Variants in ANKS1B observed in about 807,000 individuals in gnomAD.
ANKS1B encodes the protein ankyrin repeat and sterile alpha motif domain containing 1B.
In ANKS1B, 36 loss-of-function variants were observed where a neutral mutation model predicts 148.3. That is an observed-to-expected ratio of 0.24 (90% CI 0.19 to 0.32). The LOEUF is 0.32. Among genes scored for constraint, ANKS1B ranks in the 10% least tolerant of loss-of-function variants. The probability of loss-of-function intolerance (pLI) is 1.00; values close to 1 mark genes in which losing one functional copy is unlikely to be tolerated. For missense variants in ANKS1B, 1,157 were observed against 1,542.6 expected, an observed-to-expected ratio of 0.75 and a Z score of 4.19; for synonymous variants, 542 against 560.8, an observed-to-expected ratio of 0.97 and a Z score of 0.47.
chr12:99,468,019 C>T (rs1037482893), intron 10 of ANKS1B, among the ~76,000 whole-genome samples: 43 of 152,280 alleles, frequency 2.8e-4, no homozygotes, highest in African/African-American at 8.9e-4. Flanking sequence ...GGAGGCATCA[C>T]GGTACCTGAC....
At chr12:99,139,381 CCTTTCTTTCTTTCTTT>C (rs1172790560) in intron 15 of ANKS1B, among the ~76,000 whole-genome samples, 2 of 336 alleles carry the variant, frequency 6.0e-3, no homozygotes, top group Non-Finnish European at 8.4e-3. Context: ...CTCCCTCCCT[CCTTTCTTTCTTTCTTT>C]CTTTCTTTCT....
intron 1 of ANKS1B, among the ~76,000 whole-genome samples, chr12:99,863,537 A>C (rs1269897157): frequency 6.6e-6 from 1 of 151,808 alleles, no homozygotes; most frequent in Non-Finnish European, 1.5e-5. Context: ...AACACGGTGA[A>C]ATCCCATTTC....
At chr12:99,562,308 T>G (rs1204422967) in intron 9 of ANKS1B, among the ~76,000 whole-genome samples, 1 of 152,202 alleles carries the variant, frequency 6.6e-6, no homozygotes, top group Non-Finnish European at 1.5e-5. Flanking sequence ...CTATGAGCAT[T>G]GGCTTCAACT....
intron 9 of ANKS1B, among the ~76,000 whole-genome samples, chr12:99,536,568 A>G (rs769986714): frequency 3.3e-5 from 5 of 152,194 alleles, no homozygotes; most frequent in Admixed American, 6.5e-5. Flanking sequence ...AAAAGCTAGA[A>G]AAGTTGTTGC....
chr12:99,555,230 C>A (rs1324695055), intron 9 of ANKS1B, among the ~76,000 whole-genome samples: 1 of 151,988 alleles, frequency 6.6e-6, no homozygotes, highest in Non-Finnish European at 1.5e-5. Context: ...GGAGAAATTG[C>A]CCAACTACCG....
At chr12:99,792,796 C>T (rs75084380) in intron 4 of ANKS1B, among the ~76,000 whole-genome samples, 3,680 of 151,962 alleles carry the variant, frequency 0.024, 156 homozygotes, top group African/African-American at 0.084. Flanking sequence ...ACAACAAGAA[C>T]ACCCACTTTC....
At chr12:99,960,723 T>C (rs1292186847) in intron 1 of ANKS1B, among the ~76,000 whole-genome samples, 1 of 152,202 alleles carries the variant, frequency 6.6e-6, no homozygotes, top group African/African-American at 2.4e-5. Context: ...AATGGGTTCC[T>C]CGCTAATCTA....
chr12:98,892,308 G>C (rs1381320469), intron 17 of ANKS1B, among the ~76,000 whole-genome samples: 5 of 152,180 alleles, frequency 3.3e-5, no homozygotes, highest in African/African-American at 1.2e-4. Context: ...GCTCAAATAT[G>C]CTTATTCAAT....
chr12:99,475,297 A>G (rs1595543752), intron 10 of ANKS1B, among the ~76,000 whole-genome samples: 1 of 151,550 alleles, frequency 6.6e-6, no homozygotes, highest in East Asian at 1.9e-4. Flanking sequence ...AAAGTAAAAT[A>G]TATTAAAATT....
At chr12:98,883,521 T>C (rs946280269) in intron 17 of ANKS1B, among the ~76,000 whole-genome samples, 2 of 152,208 alleles carry the variant, frequency 1.3e-5, no homozygotes, top group Non-Finnish European at 2.9e-5. Context: ...CCAAACCCCA[T>C]AGCTTACATG....
chr12:99,246,243 A>G (rs1462549551), intron 13 of ANKS1B, 32 bp downstream of exon 13: 7 of 1,489,718 alleles, frequency 4.7e-6, no homozygotes, highest in Non-Finnish European at 6.3e-6. Flanking sequence ...GCAAAGCCTT[A>G]TAGGATGAAC....
At chr12:99,613,443 A>T (rs1263777914) in intron 9 of ANKS1B, among the ~76,000 whole-genome samples, 1 of 152,108 alleles carries the variant, frequency 6.6e-6, no homozygotes, top group Non-Finnish European at 1.5e-5. Context: ...AAAAACTTGG[A>T]ATCAACCCAA....
intron 4 of ANKS1B, among the ~76,000 whole-genome samples, chr12:99,788,637 A>T (rs1215326009): frequency 6.6e-6 from 1 of 152,174 alleles, no homozygotes; most frequent in Admixed American, 6.5e-5. Flanking sequence ...CTTCGGCCAC[A>T]GTAGGAAAAA....
intron 9 of ANKS1B, among the ~76,000 whole-genome samples, chr12:99,645,658 C>A (rs1286155928): frequency 6.6e-6 from 1 of 152,128 alleles, no homozygotes; most frequent in Non-Finnish European, 1.5e-5. Context: ...AAAGCTGCTG[C>A]ATTTTCATAA....
intron 15 of ANKS1B, among the ~76,000 whole-genome samples, chr12:99,125,140 CAG>C (rs1245594121): frequency 6.6e-5 from 10 of 152,016 alleles, no homozygotes; most frequent in Non-Finnish European, 8.8e-5. Context: ...GGATAATCGA[CAG>C]AGAGGGGAAA....
At chr12:99,467,022 C>T (rs375670855) in intron 10 of ANKS1B, among the ~76,000 whole-genome samples, 4 of 152,246 alleles carry the variant, frequency 2.6e-5, no homozygotes, top group South Asian at 2.1e-4. Context: ...TTGATGAACA[C>T]TGATGCAAAA....
At chr12:99,919,930 C>A (rs985325611) in intron 1 of ANKS1B, among the ~76,000 whole-genome samples, 1 of 152,052 alleles carries the variant, frequency 6.6e-6, no homozygotes, top group Non-Finnish European at 1.5e-5. Flanking sequence ...TCATTTCCCT[C>A]TTTTTACTTT....
chr12:99,981,148 C>T (rs1043848966), intron 1 of ANKS1B, among the ~76,000 whole-genome samples: 2 of 152,136 alleles, frequency 1.3e-5, no homozygotes, highest in South Asian at 2.1e-4. Context: ...TTAACACTAA[C>T]GATGAACACC....
intron 9 of ANKS1B, among the ~76,000 whole-genome samples, chr12:99,513,548 T>G (rs767195678): frequency 6.6e-6 from 1 of 152,096 alleles, no homozygotes; most frequent in Non-Finnish European, 1.5e-5. Flanking sequence ...AAACATTTTG[T>G]TAAGTTTTCC....
Sources: allele counts gnomAD v4.1 joint callset (sites outside exome capture counted in the v4.1 genomes callset), GRCh38; gene constraint gnomAD v4.1.1; transcripts MANE v1.5; gene names NCBI Gene and HGNC (gene_info 2026-07-23, HGNC 2026-07-21).